CSMD1: variants seen among roughly 807,000 people sequenced by gnomAD.
The protein encoded by CSMD1 is CUB and sushi domain-containing protein 1.
A neutral mutation model predicts 417.5 loss-of-function variants in CSMD1; 213 were observed. The observed-to-expected ratio is 0.51, with a 90% CI of 0.46 to 0.57. CSMD1 has a LOEUF of 0.57. Among genes scored for constraint, CSMD1 ranks in the 20% least tolerant of loss-of-function variants. The pLI is 0.00. For missense variants in CSMD1, 6,923 were observed against 4,529.7 expected (o/e 1.53, Z -15.17); for synonymous variants, 2,862 against 1,736.8 (o/e 1.65, Z -16.11).
At chr8:4,430,415 A>G (rs1369433216) in intron 2 of CSMD1, among the ~76,000 whole-genome samples, 1 of 152,278 alleles carries the variant, frequency 6.6e-6, no homozygotes, top group African/African-American at 2.4e-5. Context: ...GTTATGACAT[A>G]GTCTACCTTC....
intron 7 of CSMD1, among the ~76,000 whole-genome samples, chr8:3,644,966 GAAA>G (rs71203456): frequency 3.7e-4 from 24 of 64,520 alleles, no homozygotes; most frequent in South Asian, 1.4e-3. Flanking sequence ...GGCTTTAAAT[GAAA>G]AAAAAAAAAA....
intron 3 of CSMD1, among the ~76,000 whole-genome samples, chr8:4,208,955 G>A (rs1021176211): frequency 3.3e-5 from 5 of 152,108 alleles, no homozygotes; most frequent in Admixed American, 6.6e-5. Flanking sequence ...TTTGCAGTAC[G>A]CAATTTAGAG....
intron 4 of CSMD1, among the ~76,000 whole-genome samples, chr8:4,013,106 G>T (rs912072633): frequency 8.6e-5 from 13 of 151,926 alleles, no homozygotes; most frequent in African/African-American, 2.9e-4. Flanking sequence ...TGTGTCACAC[G>T]ATGTCGTTTT....
At chr8:4,241,524 G>A (rs1218529056) in intron 3 of CSMD1, among the ~76,000 whole-genome samples, 4 of 152,156 alleles carry the variant, frequency 2.6e-5, no homozygotes, top group Admixed American at 2.0e-4. Context: ...GGAGGGCAGG[G>A]TCTCTAGTGC....
chr8:4,928,938 G>T (rs1195079535), intron 1 of CSMD1, among the ~76,000 whole-genome samples: 6 of 152,154 alleles, frequency 3.9e-5, no homozygotes, highest in Admixed American at 3.3e-4. Flanking sequence ...AGGCAGGTTG[G>T]TACATGCCTG....
intron 1 of CSMD1, among the ~76,000 whole-genome samples, chr8:4,970,389 T>C (rs547827090): frequency 3.6e-4 from 55 of 152,280 alleles, no homozygotes; most frequent in African/African-American, 1.2e-3. Flanking sequence ...ATGCTAATGT[T>C]ATCATTATTT....
chr8:4,285,368 T>C (rs1014371139), intron 3 of CSMD1, among the ~76,000 whole-genome samples: 1 of 152,192 alleles, frequency 6.6e-6, no homozygotes, highest in Non-Finnish European at 1.5e-5. Flanking sequence ...CTGCAGCCTT[T>C]CTATTCTAGA....
chr8:4,267,870 G>C (rs1700079), intron 3 of CSMD1, among the ~76,000 whole-genome samples: 146,521 of 152,198 alleles, frequency 0.96, 70,801 homozygotes, highest in East Asian at 1. Context: ...CCATATACTT[G>C]TGATTAAATT....
chr8:4,193,943 G>C (rs1294579711), intron 3 of CSMD1, among the ~76,000 whole-genome samples: 1 of 151,626 alleles, frequency 6.6e-6, no homozygotes, highest in East Asian at 1.9e-4. Context: ...TGGGAGGTGG[G>C]GCTGCAGGTA....
intron 3 of CSMD1, among the ~76,000 whole-genome samples, chr8:4,060,631 T>G (rs1277327969): frequency 6.6e-6 from 1 of 152,138 alleles, no homozygotes; most frequent in Non-Finnish European, 1.5e-5. Flanking sequence ...ATGGGGCTAC[T>G]GGAGGAGGAT....
chr8:3,420,409 G>T (rs1813411728), intron 12 of CSMD1, among the ~76,000 whole-genome samples: 1 of 146,622 alleles, frequency 6.8e-6, no homozygotes, highest in African/African-American at 2.5e-5. Flanking sequence ...CCTGGGACAG[G>T]AAGAGGACAC....
intron 3 of CSMD1, among the ~76,000 whole-genome samples, chr8:4,062,759 C>T (rs929684288): frequency 2.6e-5 from 4 of 151,604 alleles, no homozygotes; most frequent in Admixed American, 6.6e-5. Context: ...GCAGGTTCTG[C>T]ATGCTCAGTA....
chr8:3,225,305 A>G (rs1045864983), intron 27 of CSMD1, among the ~76,000 whole-genome samples: 6 of 152,198 alleles, frequency 3.9e-5, no homozygotes, highest in African/African-American at 1.4e-4. Flanking sequence ...AACATTTATA[A>G]TAATAAATTC....
intron 41 of CSMD1, among the ~76,000 whole-genome samples, chr8:3,136,128 T>G (rs951048833): frequency 2.6e-5 from 4 of 152,154 alleles, no homozygotes; most frequent in African/African-American, 9.7e-5. Flanking sequence ...AGCCACTAAT[T>G]GATGGCTCAT....
intron 2 of CSMD1, among the ~76,000 whole-genome samples, chr8:4,441,342 GC>G (rs1563176852): frequency 1.3e-5 from 2 of 148,396 alleles, no homozygotes; most frequent in African/African-American, 5.0e-5. Flanking sequence ...TAAACAGCTG[GC>G]CCCAAGCAAT....
chr8:2,985,986 G>C (rs1805869868), intron 54 of CSMD1, among the ~76,000 whole-genome samples: 2 of 143,978 alleles, frequency 1.4e-5, no homozygotes, highest in Admixed American at 6.8e-5. Context: ...GAAAGGGGAA[G>C]GGAAAGGGGA....
At position 4,018,737 on chromosome 8, in the gene CSMD1, C is replaced by T. The variant is rs139772331; in HGVS notation, c.610+13168G>A. On this transcript the variant is annotated intron_variant, in intron 4 of 69. Transcript: ENST00000635120. The stretch of plus-strand genomic sequence containing the variant: ...ATTTTTCTCTTGAGTTAGAAGAGAA[C>T]GGACAGCATGTGACAAGGGCCGTGG... Among the ~76,000 whole-genome samples the T allele has an allele frequency of 4.4e-3, 676 of 152,240 alleles. 6 individuals are homozygous for T. Among genetic ancestry groups the T allele is most frequent in the Admixed American group, 6.0e-3 (91 of 15,290 alleles).
At chr8:4,372,178 A>AT (rs549197316) in intron 3 of CSMD1, among the ~76,000 whole-genome samples, 69 of 152,210 alleles carry the variant, frequency 4.5e-4, no homozygotes, top group East Asian at 3.5e-3. Context: ...AAAAAGAGAT[A>AT]TTTTTTTGTC....
intron 5 of CSMD1, among the ~76,000 whole-genome samples, chr8:3,847,131 G>C (rs1018500746): frequency 4.6e-5 from 7 of 152,122 alleles, no homozygotes; most frequent in African/African-American, 1.7e-4. Flanking sequence ...CCTCTTGCAA[G>C]TGGGCAGGAC....
Sources: allele counts gnomAD v4.1 joint callset (sites outside exome capture counted in the v4.1 genomes callset), GRCh38; gene constraint gnomAD v4.1.1; transcripts MANE v1.5; gene names NCBI Gene and HGNC (gene_info 2026-07-23, HGNC 2026-07-21).